The following JMJD1C variants were observed in gnomAD, a reference collection of about 807,000 sequenced individuals.
The protein encoded by JMJD1C is jumonji domain-containing protein 1C.
In JMJD1C, 31 loss-of-function variants were observed where a neutral mutation model predicts 245.3. The observed-to-expected ratio is 0.13, with a 90% confidence interval of 0.09 to 0.17. JMJD1C has a LOEUF of 0.17. Among genes scored for constraint, JMJD1C ranks in the 10% least tolerant of loss-of-function variants. The pLI is 1.00. For synonymous variants in JMJD1C, 1,057 were observed against 1,017.4 expected, an observed-to-expected ratio of 1.04 and a Z score of -0.74; for missense variants, 2,691 against 3,000.2, an observed-to-expected ratio of 0.90 and a Z score of 2.41.
At chr10:63,439,040 A>G (rs1364791299) in intron 1 of JMJD1C, among the ~76,000 whole-genome samples, 3 of 152,200 alleles carry the variant, frequency 2.0e-5, no homozygotes, top group Non-Finnish European at 2.9e-5. Context: ...AAGGCATGCA[A>G]TAAGTATCTG....
At chr10:63,436,654 T>TTTAA (rs1396421243) in intron 1 of JMJD1C, among the ~76,000 whole-genome samples, 1 of 152,230 alleles carries the variant, frequency 6.6e-6, no homozygotes, top group Non-Finnish European at 1.5e-5. Context: ...TGATGACTGT[T>TTTAA]TTAATTGTTC....
At chr10:63,511,259 C>T (rs1954863597) in intron 1 of JMJD1C, among the ~76,000 whole-genome samples, 1 of 152,164 alleles carries the variant, frequency 6.6e-6, no homozygotes, top group South Asian at 2.1e-4. Context: ...GTCTTTTACA[C>T]TTTTTCTGCC....
Position 63,220,713 on chromosome 10 carries a change from A to T in JMJD1C, c.448-730T>A, listed in dbSNP as rs574953327. ...ATTCTGTTCTCTCTCTCTCTCTCTCAAAGTACCTCTGCTGCTCCTGCATTT... is the reference window on the plus strand; with the variant it reads ...ATTCTGTTCTCTCTCTCTCTCTCTCTAAGTACCTCTGCTGCTCCTGCATTT... On this transcript the variant is annotated intron_variant, in intron 3 of 25. Transcript: ENST00000399262. 1.1e-3 allele frequency among the ~76,000 whole-genome samples: 161 copies of T among 152,064 alleles called. 1 individual carries two copies. The highest frequency in any genetic ancestry group is 3.7e-3 in the African/African-American group (155 of 41,362).
intron 2 of JMJD1C, among the ~76,000 whole-genome samples, chr10:63,377,055 C>T (rs1238199845): frequency 6.6e-6 from 1 of 152,040 alleles, no homozygotes; most frequent in Non-Finnish European, 1.5e-5. Context: ...ATGAAAAGAA[C>T]GTGGTGTATA....
intron 1 of JMJD1C, among the ~76,000 whole-genome samples, chr10:63,417,298 G>A (rs1046352365): frequency 1.3e-5 from 2 of 152,140 alleles, no homozygotes; most frequent in African/African-American, 4.8e-5. Flanking sequence ...ACTATATTGG[G>A]TTTTTAAAAG....
At chr10:63,388,752 A>T (rs745811543) in intron 1 of JMJD1C, among the ~76,000 whole-genome samples, 5 of 152,196 alleles carry the variant, frequency 3.3e-5, no homozygotes, top group Non-Finnish European at 7.3e-5. Context: ...AGTTGAAATG[A>T]TTTAAAATAA....
intron 24 of JMJD1C, among the ~76,000 whole-genome samples, chr10:63,170,254 C>T (rs1457718263): frequency 6.6e-6 from 1 of 152,128 alleles, no homozygotes; most frequent in East Asian, 1.9e-4. Flanking sequence ...CTGGGCTTCC[C>T]GGGGAAGGTT....
intron 1 of JMJD1C, among the ~76,000 whole-genome samples, chr10:63,512,518 A>G (rs990803326): frequency 2.6e-5 from 4 of 152,040 alleles, no homozygotes; most frequent in African/African-American, 9.7e-5. Context: ...ATATTTCACT[A>G]TTCTCTTCTT....
At chr10:63,250,402 A>T (rs1393041987) in intron 3 of JMJD1C, among the ~76,000 whole-genome samples, 3 of 152,218 alleles carry the variant, frequency 2.0e-5, no homozygotes, top group African/African-American at 7.2e-5. Flanking sequence ...GAAGTGATCA[A>T]GACTAATAAA....
At chr10:63,351,909 A>G (rs973875675) in intron 2 of JMJD1C, among the ~76,000 whole-genome samples, 2 of 152,208 alleles carry the variant, frequency 1.3e-5, no homozygotes, top group African/African-American at 4.8e-5. Flanking sequence ...ATGTAGTCCA[A>G]GGCCATCAGT....
At position 63,462,701 on chromosome 10, in the gene JMJD1C, G is replaced by A. The variant is rs1312714991; in HGVS notation, c.168+2794C>T. Among the ~76,000 whole-genome samples the A allele has an allele frequency of 2.0e-5, 3 of 152,314 alleles. No homozygotes were observed. In the East Asian group the frequency reaches 5.8e-4, roughly 29 times the overall value. On this transcript the variant is annotated intron_variant, in intron 1 of 25. Coordinates refer to ENST00000399262, the MANE Select transcript of JMJD1C (RefSeq NM_032776.3). The stretch of plus-strand genomic sequence containing the variant: ...TTTTAAGATGGAGGAAGGGGGCCAT[G>A]AGCCAAGGAATGTGGACAGCTTCTA...
intron 8 of JMJD1C, among the ~76,000 whole-genome samples, chr10:63,209,445 C>A (rs1252869122): frequency 6.6e-6 from 1 of 152,036 alleles, no homozygotes; most frequent in Non-Finnish European, 1.5e-5. Flanking sequence ...TTTTCCATAT[C>A]ATAATCAGTA....
At chr10:63,223,372 C>T (rs190357721) in intron 3 of JMJD1C, among the ~76,000 whole-genome samples, 15 of 151,680 alleles carry the variant, frequency 9.9e-5, no homozygotes, top group African/African-American at 2.4e-4. Context: ...GGATTACAGG[C>T]GCATACCACC....
chr10:63,198,207 T>A (rs910634663), intron 12 of JMJD1C, among the ~76,000 whole-genome samples: 4 of 152,208 alleles, frequency 2.6e-5, no homozygotes, highest in Non-Finnish European at 5.9e-5. Context: ...ATAATTGGGG[T>A]AGATTATGTC....
chr10:63,370,085 T>A (rs1199957336), intron 2 of JMJD1C, among the ~76,000 whole-genome samples: 1 of 152,192 alleles, frequency 6.6e-6, no homozygotes, highest in African/African-American at 2.4e-5. Context: ...ACTCACATAC[T>A]GTGGACATAA....
At chr10:63,296,856 AG>A (rs1279058311) in intron 2 of JMJD1C, among the ~76,000 whole-genome samples, 2 of 152,214 alleles carry the variant, frequency 1.3e-5, no homozygotes, top group African/African-American at 4.8e-5. Flanking sequence ...AAGGGGGTGG[AG>A]GATAGACAAT....
At chr10:63,312,905 T>C (rs1939418348) in intron 2 of JMJD1C, among the ~76,000 whole-genome samples, 1 of 152,238 alleles carries the variant, frequency 6.6e-6, no homozygotes, top group African/African-American at 2.4e-5. Context: ...TTAGATGTTA[T>C]TAAACTAGAA....
intron 1 of JMJD1C, among the ~76,000 whole-genome samples, chr10:63,446,041 A>G (rs1951701992): frequency 6.6e-6 from 1 of 151,410 alleles, no homozygotes; most frequent in South Asian, 2.1e-4. Flanking sequence ...ACGCCTAGCT[A>G]ATTTTTTGTA....
rs182812414 is a variant in JMJD1C at position 63,240,612 on chromosome 10, G to C, written c.448-20629C>G. Reference sequence around the variant, plus strand: ...AACGGTTCACATTATAAGAAGTCCAGCTATGAAGGAAAGGAGTAAGATAAG... The same window carrying C: ...AACGGTTCACATTATAAGAAGTCCACCTATGAAGGAAAGGAGTAAGATAAG... On this transcript the variant is annotated intron_variant, in intron 3 of 25. Transcript: ENST00000399262. Among the ~76,000 whole-genome samples, 62 of 152,312 alleles carry C rather than the reference G, an allele frequency of 4.1e-4. 1 individual carries two copies. Among genetic ancestry groups the C allele is most frequent in the African/African-American group, 1.3e-3 (55 of 41,580 alleles).
Sources: allele counts gnomAD v4.1 joint callset (sites outside exome capture counted in the v4.1 genomes callset), GRCh38; gene constraint gnomAD v4.1.1; transcripts MANE v1.5; gene names NCBI Gene and HGNC (gene_info 2026-07-23, HGNC 2026-07-21).